Variants in INPP4B observed in about 807,000 individuals in gnomAD.
INPP4B encodes the protein inositol polyphosphate-4-phosphatase type II B.
In INPP4B, 55 loss-of-function variants were observed where a neutral mutation model predicts 122.5. The ratio of observed to expected loss-of-function variants is 0.45; its 90% confidence interval spans 0.36 to 0.56. INPP4B has a LOEUF of 0.56. Among genes scored for constraint, INPP4B ranks in the 20% least tolerant of loss-of-function variants. The probability of loss-of-function intolerance (pLI) is 0.00; values close to 1 mark genes in which losing one functional copy is unlikely to be tolerated. For synonymous variants in INPP4B, 403 were observed against 388.7 expected (o/e 1.04, Z -0.43); for missense variants, 1,000 against 1,097.7 (o/e 0.91, Z 1.26).
intron 1 of INPP4B, among the ~76,000 whole-genome samples, chr4:142,741,412 G>A: frequency 6.6e-6 from 1 of 151,926 alleles, no homozygotes; most frequent in Non-Finnish European, 1.5e-5. Context: ...CAAGGGGATA[G>A]TGCTGAGTCA....
intron 8 of INPP4B, among the ~76,000 whole-genome samples, chr4:142,308,203 C>A (rs1579686793): frequency 6.6e-6 from 1 of 152,154 alleles, no homozygotes; most frequent in Admixed American, 6.6e-5. Flanking sequence ...TCCATTATAA[C>A]TGTCAGCCAC....
At chr4:142,760,681 T>C (rs1452425416) in intron 1 of INPP4B, among the ~76,000 whole-genome samples, 1 of 152,170 alleles carries the variant, frequency 6.6e-6, no homozygotes, top group African/African-American at 2.4e-5. Context: ...CTACCTATTC[T>C]TATATTAAAT....
At chr4:142,804,106 T>C (rs1778374337) in intron 1 of INPP4B, among the ~76,000 whole-genome samples, 1 of 150,974 alleles carries the variant, frequency 6.6e-6, no homozygotes. Flanking sequence ...AATAAAATCA[T>C]AGCAAACAAA....
chr4:142,636,496 G>C (rs1412903179), intron 2 of INPP4B, among the ~76,000 whole-genome samples: 1 of 152,036 alleles, frequency 6.6e-6, no homozygotes, highest in Non-Finnish European at 1.5e-5. Flanking sequence ...CCAATTCATA[G>C]ATAGGGTAGC....
chr4:142,754,669 A>G (rs1462414821), intron 1 of INPP4B, among the ~76,000 whole-genome samples: 3 of 152,018 alleles, frequency 2.0e-5, no homozygotes, highest in African/African-American at 7.2e-5. Flanking sequence ...AACTATATGC[A>G]TATCAGTAAC....
At chr4:142,042,846 CCACCGCGCCCAGACG>C (rs1748966069) in intron 25 of INPP4B, among the ~76,000 whole-genome samples, 1 of 152,140 alleles carries the variant, frequency 6.6e-6, no homozygotes, top group African/African-American at 2.4e-5. Context: ...CAGGCATGAG[CCACCGCGCCCAGACG>C]ATTCTATTAG....
chr4:142,298,770 T>G lies in INPP4B; in HGVS notation c.503+6688A>C, dbSNP rs534676245. On this transcript the variant is annotated intron_variant, in intron 9 of 25. Transcript: ENST00000262992. ...CATATTCTCTGAAAAATACTTGATA[T>G]CACGAACACTTCTTCTCAATAATCT... Among the ~76,000 whole-genome samples the G allele has an allele frequency of 6.6e-5, 10 of 151,018 alleles. No homozygotes were observed. The South Asian group carries it at 2.1e-3, about 32-fold the overall frequency.
intron 7 of INPP4B, among the ~76,000 whole-genome samples, chr4:142,400,282 G>T (rs182943223): frequency 4.1e-4 from 63 of 152,226 alleles, no homozygotes; most frequent in African/African-American, 1.5e-3. Flanking sequence ...AGATCTGATC[G>T]TCCTGAATCA....
At chr4:142,156,631 CTT>C (rs997210422) in intron 17 of INPP4B, among the ~76,000 whole-genome samples, 1 of 152,002 alleles carries the variant, frequency 6.6e-6, no homozygotes, top group African/African-American at 2.4e-5. Flanking sequence ...AAATAACAGA[CTT>C]TTTTGTAAAC....
intron 2 of INPP4B, among the ~76,000 whole-genome samples, chr4:142,645,375 A>T (rs931757379): frequency 6.6e-6 from 1 of 152,232 alleles, no homozygotes; most frequent in Non-Finnish European, 1.5e-5. Context: ...CAGTGGAGGC[A>T]TTAATTTGTT....
intron 2 of INPP4B, among the ~76,000 whole-genome samples, chr4:142,620,692 T>C (rs893882176): frequency 6.6e-6 from 1 of 151,738 alleles, no homozygotes; most frequent in African/African-American, 2.4e-5. Context: ...GTATTAAAAA[T>C]AAAAAAAAGT....
intron 2 of INPP4B, among the ~76,000 whole-genome samples, chr4:142,472,857 G>T (rs557657176): frequency 6.6e-6 from 1 of 152,232 alleles, no homozygotes; most frequent in South Asian, 2.1e-4. Context: ...GCAGACATTT[G>T]TATTTTGAAA....
At chr4:142,372,218 G>A (rs1790200054) in intron 7 of INPP4B, among the ~76,000 whole-genome samples, 1 of 151,974 alleles carries the variant, frequency 6.6e-6, no homozygotes, top group African/African-American at 2.4e-5. Flanking sequence ...CTCCTATATG[G>A]GTGATAAAAT....
chr4:142,061,865 TACAC>T lies in INPP4B; in HGVS notation c.2642+20162_2642+20165del, dbSNP rs1198104747. Among the ~76,000 whole-genome samples, 68 of 41,372 alleles carry T rather than the reference TACAC, an allele frequency of 1.6e-3. 1 individual carries two copies. Among genetic ancestry groups the T allele is most frequent in the African/African-American group, 3.4e-3 (59 of 17,460 alleles). 27.1% of individuals were successfully genotyped at this position (41,372 alleles called of 152,430 possible). On this transcript the variant is annotated intron_variant, in intron 25 of 25. Transcript: ENST00000262992. ...ATGTACATATATACATATATATATG[TACAC>T]ACACACACACACACACATATATATA... is the stretch of plus-strand genomic sequence containing the variant.
At chr4:142,149,290 C>T (rs1216110457) in intron 17 of INPP4B, among the ~76,000 whole-genome samples, 1 of 152,150 alleles carries the variant, frequency 6.6e-6, no homozygotes, top group Non-Finnish European at 1.5e-5. Context: ...ACTCCAGAGA[C>T]AGATTAAAGG....
chr4:142,634,340 T>G (rs2150439965), intron 2 of INPP4B, among the ~76,000 whole-genome samples: 1 of 152,272 alleles, frequency 6.6e-6, no homozygotes, highest in East Asian at 1.9e-4. Flanking sequence ...TTTCAAATTC[T>G]TCACTTTTTT....
intron 25 of INPP4B, among the ~76,000 whole-genome samples, chr4:142,045,857 T>C (rs1367939164): frequency 6.6e-6 from 1 of 152,104 alleles, no homozygotes; most frequent in African/African-American, 2.4e-5. Flanking sequence ...ATGAAACTTA[T>C]ATTCTAGTCA....
chr4:142,647,870 G>A (rs765025321), intron 2 of INPP4B, among the ~76,000 whole-genome samples: 9 of 152,230 alleles, frequency 5.9e-5, no homozygotes, highest in Non-Finnish European at 7.3e-5. Context: ...TGCTAATGAA[G>A]GTTACTTTCT....
intron 17 of INPP4B, among the ~76,000 whole-genome samples, 178 bp from the exon 18 acceptor site, chr4:142,146,174 T>C (rs1015646757): frequency 1.8e-4 from 28 of 152,204 alleles, no homozygotes; most frequent in African/African-American, 6.8e-4. Context: ...TATGTTCTCT[T>C]AATGAAGCAA....
Sources: allele counts gnomAD v4.1 joint callset (sites outside exome capture counted in the v4.1 genomes callset), GRCh38; gene constraint gnomAD v4.1.1; transcripts MANE v1.5; gene names NCBI Gene and HGNC (gene_info 2026-07-23, HGNC 2026-07-21).